Variants in FRAS1 observed in about 807,000 individuals in gnomAD.
The protein encoded by FRAS1 is extracellular matrix organizing protein FRAS1.
In FRAS1, 290 loss-of-function variants were observed where a neutral mutation model predicts 435.2. That is an observed-to-expected ratio of 0.67 (90% CI 0.61 to 0.73). The LOEUF (loss-of-function observed/expected upper bound fraction) is 0.73. Among genes scored for constraint, FRAS1 ranks in the 30% least tolerant of loss-of-function variants. FRAS1 has a pLI of 0.00. For synonymous variants in FRAS1, 1,800 were observed against 1,851.0 expected (o/e 0.97, Z 0.71); for missense variants, 4,860 against 5,001.5 (o/e 0.97, Z 0.85).
intron 2 of FRAS1, among the ~76,000 whole-genome samples, chr4:78,208,964 C>T (rs1454330714): frequency 3.3e-5 from 5 of 151,780 alleles, no homozygotes; most frequent in African/African-American, 1.2e-4. Flanking sequence ...AAGTGAGACC[C>T]TGTCTCTACA....
intron 2 of FRAS1, among the ~76,000 whole-genome samples, chr4:78,190,851 A>G (rs1278868403): frequency 6.6e-6 from 1 of 152,202 alleles, no homozygotes; most frequent in Non-Finnish European, 1.5e-5. Context: ...CTAACATCCA[A>G]TGTGAGTATA....
intron 2 of FRAS1, among the ~76,000 whole-genome samples, chr4:78,175,357 G>A (rs556042107): frequency 1.3e-5 from 2 of 152,272 alleles, no homozygotes; most frequent in South Asian, 2.1e-4. Flanking sequence ...TCTCTGGGTG[G>A]CAACATCTCC....
Position 78,265,081 on chromosome 4 carries a change from C to T in FRAS1, c.660C>T (p.Ser220=). The change falls in exon 7 of 74, where the codon TCC becomes TCT. Residue 220 remains serine (S), a synonymous_variant. Transcript: ENST00000512123. ...GTTGCCCGCAGTGCTCTGCAAGATCCTGCTCTGCAGCTGGCCAAGTATACG... is the reference window on the plus strand; with the variant it reads ...GTTGCCCGCAGTGCTCTGCAAGATCTTGCTCTGCAGCTGGCCAAGTATACG... The part of the protein sequence containing the change: ...GKCCPQCSAR[S]CSAAGQVYEH... The T allele has an allele frequency of 6.2e-7, 1 of 1,613,296 alleles. No individual in the cohort carries two copies. Among genetic ancestry groups the T allele is most frequent in the Admixed American group, 1.7e-5 (1 of 60,016 alleles).
intron 2 of FRAS1, among the ~76,000 whole-genome samples, chr4:78,172,010 C>T (rs1221121323): frequency 6.6e-6 from 1 of 152,124 alleles, no homozygotes; most frequent in African/African-American, 2.4e-5. Flanking sequence ...TCCGTCTTTA[C>T]CTTAAATGCC....
At chr4:78,201,434 A>G (rs116720454) in intron 2 of FRAS1, among the ~76,000 whole-genome samples, 1,999 of 152,330 alleles carry the variant, frequency 0.013, 33 homozygotes, top group African/African-American at 0.043. Context: ...TTTGTTTCAC[A>G]GATGGGGAAT....
chr4:78,429,037 T>C lies in FRAS1; in HGVS notation c.4712-58T>C, dbSNP rs1734106580. The C allele has an allele frequency of 3.4e-6, 5 of 1,481,676 alleles. No homozygotes were observed. The East Asian group carries it at 7.5e-5, about 22-fold the overall frequency. The allele number at this position is 1,481,676 out of a possible 1,614,324, so 91.8% of individuals were successfully genotyped here. ...CTACAAGTTGATTCGTGTGTGTGTG[T>C]GCGTGTCTCTGTGTGTGTGTGTGTG... On this transcript the variant is annotated intron_variant, in intron 35 of 73. Transcript: ENST00000512123.
At chr4:78,112,954 T>C (rs1239076057) in intron 2 of FRAS1, among the ~76,000 whole-genome samples, 1 of 152,162 alleles carries the variant, frequency 6.6e-6, no homozygotes, top group Non-Finnish European at 1.5e-5. Context: ...ATTAGGTATA[T>C]CTTCTAATGC....
chr4:78,243,369 C>A lies in FRAS1; in HGVS notation c.217-1864C>A, dbSNP rs79239496. 7.9e-5 allele frequency among the ~76,000 whole-genome samples: 12 copies of A among 152,036 alleles called. No individual in the cohort carries two copies. The East Asian group carries it at 2.3e-3, about 29-fold the overall frequency. On this transcript the variant is annotated intron_variant, in intron 3 of 73. Transcript: ENST00000512123. ...CTAGGTCCTAAGCAAGTAATCTTGC[C>A]CCCAGCGATCTTCACTGATGTTTTT...
chr4:78,376,417 T>C (rs1731763875), intron 26 of FRAS1, among the ~76,000 whole-genome samples: 1 of 152,114 alleles, frequency 6.6e-6, no homozygotes, highest in African/African-American at 2.4e-5. Flanking sequence ...TCTAAACATA[T>C]CTAAAATAGA....
intron 2 of FRAS1, among the ~76,000 whole-genome samples, chr4:78,237,219 C>T (rs960230507): frequency 3.3e-5 from 5 of 152,164 alleles, no homozygotes; most frequent in Admixed American, 2.6e-4. Flanking sequence ...CAGGGAGCAA[C>T]TTGTCCTCCT....
At chr4:78,435,252 C>T (rs1055562052) in intron 38 of FRAS1, among the ~76,000 whole-genome samples, 2 of 152,120 alleles carry the variant, frequency 1.3e-5, no homozygotes, top group Non-Finnish European at 2.9e-5. Context: ...GATGACAGAG[C>T]AAGCCCCTTT....
chr4:78,080,815 G>A (rs1740860062), intron 2 of FRAS1, among the ~76,000 whole-genome samples: 1 of 152,028 alleles, frequency 6.6e-6, no homozygotes, highest in African/African-American at 2.4e-5. Context: ...GACTATTTTT[G>A]TTTCTCTTTT....
chr4:78,338,293 A>G (rs1342364236), intron 20 of FRAS1, among the ~76,000 whole-genome samples: 1 of 150,766 alleles, frequency 6.6e-6, no homozygotes, highest in Non-Finnish European at 1.5e-5. Context: ...TCCTCATTTT[A>G]GAACTCAGAT....
intron 2 of FRAS1, among the ~76,000 whole-genome samples, chr4:78,215,610 T>C (rs1158479491): frequency 6.6e-6 from 1 of 152,222 alleles, no homozygotes; most frequent in Admixed American, 6.5e-5. Context: ...GACAACTCCC[T>C]ATTTCCTTCT....
At chr4:78,265,261 A>C (rs1726294600) in intron 7 of FRAS1, among the ~76,000 whole-genome samples, 153 bp downstream of exon 7, 1 of 152,236 alleles carries the variant, frequency 6.6e-6, no homozygotes, top group Non-Finnish European at 1.5e-5. Flanking sequence ...TTCTCTTCAC[A>C]GAAAACTTGT....
intron 29 of FRAS1, among the ~76,000 whole-genome samples, chr4:78,400,361 C>T (rs141649569): frequency 7.9e-5 from 12 of 152,172 alleles, no homozygotes; most frequent in Non-Finnish European, 1.5e-5. Context: ...TTGTATATAT[C>T]GGGCCTCTAG....
At chr4:78,267,548 C>T in intron 9 of FRAS1, 116 bp downstream of exon 9, 1 of 909,516 alleles carries the variant, frequency 1.1e-6, no homozygotes. Flanking sequence ...ATTGACTTCT[C>T]ACACTTCATA....
intron 40 of FRAS1, among the ~76,000 whole-genome samples, chr4:78,440,106 C>A (rs926417466): frequency 2.7e-5 from 4 of 148,840 alleles, no homozygotes; most frequent in Admixed American, 2.0e-4. Flanking sequence ...TCTCGGCTCA[C>A]TGCAAGCTCC....
chr4:78,171,259 T>C (rs1310393467), intron 2 of FRAS1, among the ~76,000 whole-genome samples: 1 of 152,098 alleles, frequency 6.6e-6, no homozygotes, highest in Non-Finnish European at 1.5e-5. Context: ...TCACCCTCCC[T>C]GTCCCTCTCA....
Sources: gnomAD v4.1 joint callset for allele counts (sites outside exome capture counted in the v4.1 genomes callset) on GRCh38, gnomAD v4.1.1 for gene constraint, MANE v1.5 for transcripts, NCBI Gene and HGNC (gene_info 2026-07-23, HGNC 2026-07-21) for gene names.